MYO1D: variants seen among roughly 807,000 people sequenced by gnomAD.
MYO1D encodes myosin ID, also known as unconventional myosin-Id.
A neutral mutation model predicts 122.0 loss-of-function variants in MYO1D; 83 were observed. The ratio of observed to expected loss-of-function variants is 0.68; its 90% CI spans 0.57 to 0.82. MYO1D has a LOEUF of 0.82. Among genes scored for constraint, MYO1D ranks in the 40% least tolerant of loss-of-function variants. MYO1D has a pLI of 0.00. For missense variants in MYO1D, 1,157 were observed against 1,269.5 expected, an observed-to-expected ratio of 0.91 and a Z score of 1.35; for synonymous variants, 464 against 446.9, an observed-to-expected ratio of 1.04 and a Z score of -0.48.
intron 14 of MYO1D, among the ~76,000 whole-genome samples, chr17:32,728,570 T>C (rs914133736): frequency 6.6e-6 from 1 of 152,122 alleles, no homozygotes. Context: ...TTTCTAAAAA[T>C]TGAAACCACA....
chr17:32,700,369 G>A (rs9908727), intron 16 of MYO1D, among the ~76,000 whole-genome samples: 5,274 of 152,254 alleles, frequency 0.035, 305 homozygotes, highest in African/African-American at 0.12. Context: ...GATAGGCCGC[G>A]GAGCTTGCTT....
intron 20 of MYO1D, among the ~76,000 whole-genome samples, chr17:32,613,408 C>T (rs2087728392): frequency 6.6e-6 from 1 of 152,090 alleles, no homozygotes; most frequent in Non-Finnish European, 1.5e-5. Flanking sequence ...AATTAACAAA[C>T]TGGATGCAAC....
intron 1 of MYO1D, among the ~76,000 whole-genome samples, chr17:32,870,492 G>A (rs2091168941): frequency 6.6e-6 from 1 of 151,532 alleles, no homozygotes; most frequent in Admixed American, 6.6e-5. Context: ...GTGGTGTGGT[G>A]AGTATGTGTG....
chr17:32,584,752 T>C (rs2087371510), intron 21 of MYO1D, among the ~76,000 whole-genome samples: 1 of 152,228 alleles, frequency 6.6e-6, no homozygotes, highest in Non-Finnish European at 1.5e-5. Flanking sequence ...ACCAAAGTGC[T>C]GGAATTACAG....
intron 6 of MYO1D, among the ~76,000 whole-genome samples, chr17:32,769,281 C>T (rs1181250475): frequency 6.6e-6 from 1 of 152,114 alleles, no homozygotes; most frequent in Non-Finnish European, 1.5e-5. Flanking sequence ...AAAGGAAAAC[C>T]AGCCTAAGAG....
chr17:32,658,125 A>C (rs1039221649), intron 17 of MYO1D, among the ~76,000 whole-genome samples: 1 of 152,184 alleles, frequency 6.6e-6, no homozygotes, highest in Non-Finnish European at 1.5e-5. Context: ...TTTTCTTCTT[A>C]TGAGCAATTA....
intron 1 of MYO1D, among the ~76,000 whole-genome samples, chr17:32,804,694 A>C (rs1211775689): frequency 1.3e-5 from 2 of 152,178 alleles, no homozygotes; most frequent in Non-Finnish European, 2.9e-5. Flanking sequence ...ATATTCTCTA[A>C]TAGTTCCTAG....
intron 13 of MYO1D, among the ~76,000 whole-genome samples, chr17:32,743,588 A>G (rs1030332419): frequency 2.6e-5 from 4 of 151,704 alleles, no homozygotes; most frequent in Non-Finnish European, 4.4e-5. Context: ...CCCAGGCCTC[A>G]GCCTGCATTA....
At chr17:32,817,790 T>G (rs2090624421) in intron 1 of MYO1D, among the ~76,000 whole-genome samples, 1 of 152,178 alleles carries the variant, frequency 6.6e-6, no homozygotes, top group South Asian at 2.1e-4. Flanking sequence ...TATGCACTTT[T>G]AAAGAAATAT....
chr17:32,596,446 C>T (rs2087493760), intron 21 of MYO1D, among the ~76,000 whole-genome samples: 1 of 152,198 alleles, frequency 6.6e-6, no homozygotes, highest in African/African-American at 2.4e-5. Flanking sequence ...CATGAGGCCT[C>T]ACCTCCCCTG....
intron 1 of MYO1D, among the ~76,000 whole-genome samples, chr17:32,825,923 G>A (rs2151061518): frequency 6.6e-6 from 1 of 151,722 alleles, no homozygotes; most frequent in African/African-American, 2.4e-5. Context: ...TCTGGCACAC[G>A]CTTGTAGTCC....
At chr17:32,535,787 A>G (rs764725664) in intron 21 of MYO1D, among the ~76,000 whole-genome samples, 1 of 152,110 alleles carries the variant, frequency 6.6e-6, no homozygotes, top group Non-Finnish European at 1.5e-5. Flanking sequence ...AATCGTACTT[A>G]TAGAATATTT....
rs531852665 is a variant in MYO1D, at chr17:32,776,388, A to G, written c.399-359T>C. On this transcript the variant is annotated intron_variant, in intron 3 of 21. Coordinates refer to ENST00000318217, the MANE Select transcript of MYO1D (RefSeq NM_015194.3). The stretch of plus-strand genomic sequence containing the variant: ...TGTTCACGTGTGTGTGTGTGTGCAT[A>G]CACATGTATCAGCAAATGCTTAAAA... 9.2e-5 allele frequency among the ~76,000 whole-genome samples: 14 copies of G among 152,264 alleles called. No homozygotes were observed. In the South Asian group the frequency reaches 2.1e-3, roughly 23 times the overall value.
At chr17:32,657,330 T>C (rs908872528) in intron 17 of MYO1D, among the ~76,000 whole-genome samples, 1 of 152,258 alleles carries the variant, frequency 6.6e-6, no homozygotes, top group African/African-American at 2.4e-5. Flanking sequence ...GATCAGGGGT[T>C]GGCAAACTAT....
intron 1 of MYO1D, among the ~76,000 whole-genome samples, chr17:32,816,283 T>G (rs73283736): frequency 0.039 from 5,889 of 152,226 alleles, 366 homozygotes; most frequent in African/African-American, 0.13. Context: ...TAGGAAGAGG[T>G]CACAGTGCTA....
At chr17:32,541,219 G>C (rs1337882531) in intron 21 of MYO1D, among the ~76,000 whole-genome samples, 1 of 152,198 alleles carries the variant, frequency 6.6e-6, no homozygotes, top group Admixed American at 6.5e-5. Context: ...ATACAATGTG[G>C]TCTATCTATA....
intron 20 of MYO1D, among the ~76,000 whole-genome samples, chr17:32,630,641 C>T (rs901811860): frequency 3.3e-5 from 5 of 150,712 alleles, no homozygotes; most frequent in Middle Eastern, 3.4e-3. Flanking sequence ...GGTGTGATCT[C>T]GGCTCACCGC....
chr17:32,661,784 C>A (rs2088569112), intron 16 of MYO1D, among the ~76,000 whole-genome samples: 1 of 152,092 alleles, frequency 6.6e-6, no homozygotes, highest in Non-Finnish European at 1.5e-5. Flanking sequence ...TCTCATCTAC[C>A]TTCCCAATCA....
At chr17:32,827,427 A>G (rs1029587947) in intron 1 of MYO1D, among the ~76,000 whole-genome samples, 1 of 152,202 alleles carries the variant, frequency 6.6e-6, no homozygotes, top group Non-Finnish European at 1.5e-5. Flanking sequence ...TTATGGTCCA[A>G]TGGGTAGAGT....
Sources: gnomAD v4.1 joint callset for allele counts (sites outside exome capture counted in the v4.1 genomes callset) on GRCh38, gnomAD v4.1.1 for gene constraint, MANE v1.5 for transcripts, NCBI Gene and HGNC (gene_info 2026-07-23, HGNC 2026-07-21) for gene names.